The following TEX264 variants were observed in gnomAD, a reference collection of about 807,000 sequenced individuals.
TEX264 encodes testis-expressed protein 264.
In TEX264, 13 loss-of-function variants were observed where a neutral mutation model predicts 23.4. The ratio of observed to expected loss-of-function variants is 0.56; its 90% CI spans 0.36 to 0.88. The LOEUF (loss-of-function observed/expected upper bound fraction) is 0.88. TEX264 is among the 40% of genes least tolerant of loss of function. TEX264 has a pLI of 0.01. For missense variants in TEX264, 340 were observed against 406.8 expected, an observed-to-expected ratio of 0.84 and a Z score of 1.41; for synonymous variants, 159 against 170.0, an observed-to-expected ratio of 0.94 and a Z score of 0.50.
Position 51,703,600 on chromosome 3 carries a change from G to A in TEX264, c.650-124G>A. ...CAGGGTAGAGGGCAGAGGGCAGCTG[G>A]AGCAAGCCCCCTGAGCCCGGGAGGC... On this transcript the variant is annotated intron_variant, in intron 4 of 4. Transcript: ENST00000341333. This position sits in a 1 kb window ranked among gnomAD's most constrained non-coding sequence, Gnocchi z 4.8. 3.0e-6 allele frequency: 3 copies of A among 995,800 alleles called. No individual in the cohort carries two copies. Among genetic ancestry groups the A allele is most frequent in the Non-Finnish European group, 2.9e-6 (2 of 679,820 alleles). The allele number at this position is 995,800 out of a possible 1,614,324, so 61.7% of individuals were successfully genotyped here. A position where few individuals can be genotyped will look rare whatever the true frequency, so the allele number is the denominator to read the frequency against.
At chr3:51,684,726 G>T (rs1702554550) in intron 3 of TEX264, 92 bp downstream of exon 3, 2 of 1,331,890 alleles carry the variant, frequency 1.5e-6, no homozygotes, top group South Asian at 1.3e-5. Flanking sequence ...GGAAGAAGTG[G>T]TTTTGGGAGA....
intron 2 of TEX264, among the ~76,000 whole-genome samples, chr3:51,675,551 C>G (rs982188032): frequency 6.6e-6 from 1 of 152,200 alleles, no homozygotes; most frequent in Non-Finnish European, 1.5e-5. Flanking sequence ...TGAATCAGAC[C>G]TGGCTCTGCC....
chr3:51,704,225 G>A lies in TEX264; in HGVS notation c.*209G>A. The A allele has an allele frequency of 2.4e-6, 1 of 421,102 alleles. No individual in the cohort carries two copies. Among genetic ancestry groups the A allele is most frequent in the Non-Finnish European group, 4.1e-6 (1 of 246,636 alleles). The allele number at this position is 421,102 out of a possible 1,614,324, so 26.1% of individuals were successfully genotyped here. On this transcript the variant is annotated 3_prime_UTR_variant, in exon 5 of 5. Coordinates refer to ENST00000341333, the MANE Select transcript of TEX264 (RefSeq NM_015926.6). The stretch of plus-strand genomic sequence containing the variant: ...GAGCCAGGGACTATTTTCTGCACCA[G>A]CCCCCAGGGCTGCCACCCCTGTTGT...
chr3:51,693,542 C>T (rs139275386), intron 3 of TEX264, among the ~76,000 whole-genome samples: 2 of 148,944 alleles, frequency 1.3e-5, no homozygotes, highest in African/African-American at 5.0e-5. Flanking sequence ...TGCGGTGGCA[C>T]GATCGCGGCT....
intron 3 of TEX264, among the ~76,000 whole-genome samples, chr3:51,687,772 G>A (rs1350112418): frequency 1.3e-5 from 2 of 152,180 alleles, no homozygotes; most frequent in African/African-American, 4.8e-5. Context: ...GAGGTGGAGA[G>A]CAGCTGCTGT....
chr3:51,692,607 G>A (rs1260534751), intron 3 of TEX264, among the ~76,000 whole-genome samples: 1 of 152,224 alleles, frequency 6.6e-6, no homozygotes, highest in Non-Finnish European at 1.5e-5. Flanking sequence ...AGCTCCATCT[G>A]TACGAGCAGC....
intron 2 of TEX264, among the ~76,000 whole-genome samples, chr3:51,676,223 C>T (rs1465951032): frequency 6.6e-6 from 1 of 152,224 alleles, no homozygotes; most frequent in Non-Finnish European, 1.5e-5. Flanking sequence ...GAGCCTTCTG[C>T]AAGAAGAGTC....
chr3:51,693,130 G>A (rs972052987), intron 3 of TEX264, among the ~76,000 whole-genome samples: 1 of 152,238 alleles, frequency 6.6e-6, no homozygotes, highest in African/African-American at 2.4e-5. Flanking sequence ...TGCTGCCTAG[G>A]CCCTCCTCCA....
intron 3 of TEX264, among the ~76,000 whole-genome samples, chr3:51,697,546 C>T (rs777893858): frequency 8.5e-5 from 13 of 152,186 alleles, no homozygotes; most frequent in Non-Finnish European, 1.8e-4. Context: ...AAGGCCATGC[C>T]CTGACTAGAT....
intron 1 of TEX264, chr3:51,671,811 G>C (rs531156930): frequency 6.6e-6 from 1 of 152,258 alleles, no homozygotes; most frequent in Non-Finnish European, 1.5e-5. Flanking sequence ...AGCCCAGGAC[G>C]GGGGCCGTTT....
intron 2 of TEX264, among the ~76,000 whole-genome samples, chr3:51,679,782 G>A (rs1323241381): frequency 6.6e-6 from 1 of 152,176 alleles, no homozygotes; most frequent in African/African-American, 2.4e-5. Flanking sequence ...AGGTTTCTAA[G>A]TAAACTCACC....
chr3:51,674,598 G>A (rs760670318), intron 2 of TEX264, 36 bp downstream of exon 2: 7 of 1,601,790 alleles, frequency 4.4e-6, no homozygotes, highest in South Asian at 1.1e-5. Flanking sequence ...CCCATGGATG[G>A]GCCTGGTGGG....
In TEX264 at chr3:51,699,393, ACT is replaced by A. The variant is rs1442151613; in HGVS notation, c.481-8_481-7del. ...TGTAGGGCTCATTCTACCTTTTGCC[ACT>A]CTCTGACTAGGAGCGGAAGCTGTGT... is the stretch of plus-strand genomic sequence containing the variant. On this transcript the variant is annotated splice_polypyrimidine_tract_variant and intron_variant, in intron 3 of 4. Coordinates refer to ENST00000341333, the MANE Select transcript of TEX264 (RefSeq NM_015926.6). 1.9e-6 allele frequency: 3 copies of A among 1,611,856 alleles called. No homozygotes were observed. Among genetic ancestry groups the A allele is most frequent in the Middle Eastern group, 1.7e-4 (1 of 6,048 alleles).
intron 3 of TEX264, among the ~76,000 whole-genome samples, chr3:51,690,557 CAAAAA>C (rs1301569354): frequency 1.8e-5 from 1 of 55,880 alleles, no homozygotes; most frequent in African/African-American, 6.3e-5. Flanking sequence ...GACTCCGTCT[CAAAAA>C]AAAAAAAAAA....
At position 51,703,627 on chromosome 3, in the gene TEX264, G is replaced by C; in HGVS notation, c.650-97G>C. 7.7e-7 allele frequency: 1 copy of C among 1,290,742 alleles called. No homozygotes were observed. Among genetic ancestry groups the C allele is most frequent in the Non-Finnish European group, 1.1e-6 (1 of 942,350 alleles). The allele number at this position is 1,290,742 out of a possible 1,614,324, so 80.0% of individuals were successfully genotyped here. ...GCAAGCCCCCTGAGCCCGGGAGGCT[G>C]CATTATTCATGAGTGCACTGCGTGC... is the stretch of plus-strand genomic sequence containing the variant. On this transcript the variant is annotated intron_variant, in intron 4 of 4. Coordinates refer to ENST00000341333, the MANE Select transcript of TEX264 (RefSeq NM_015926.6). This position sits in a 1 kb window ranked among gnomAD's most constrained non-coding sequence, Gnocchi z 4.8.
chr3:51,697,126 A>G (rs934479886), intron 3 of TEX264, among the ~76,000 whole-genome samples: 2 of 152,222 alleles, frequency 1.3e-5, no homozygotes, highest in African/African-American at 2.4e-5. Flanking sequence ...TGCAGTTTCC[A>G]TGGCAACGGG....
chr3:51,695,880 C>T (rs1366597316), intron 3 of TEX264, among the ~76,000 whole-genome samples: 1 of 152,048 alleles, frequency 6.6e-6, no homozygotes, highest in African/African-American at 2.4e-5. Flanking sequence ...TCTGGGGTCT[C>T]TTAGAAATTC....
At chr3:51,697,097 C>A (rs187416974) in intron 3 of TEX264, among the ~76,000 whole-genome samples, 1 of 152,340 alleles carries the variant, frequency 6.6e-6, no homozygotes, top group Non-Finnish European at 1.5e-5. Context: ...GAGATGAAGG[C>A]GACGGCAAGG....
At position 51,686,982 on chromosome 3, in the gene TEX264, G is replaced by A. The variant is rs1702644134; in HGVS notation, c.480+2348G>A. On this transcript the variant is annotated intron_variant, in intron 3 of 4. Transcript: ENST00000341333. This position sits in a 1 kb window ranked among gnomAD's most constrained non-coding sequence, Gnocchi z 4.1. ...CCTTTGTCCAAATTTCCCGGCCCCT[G>A]ACAGCTTCACAAGTTGCCTGGTTTT... Among the ~76,000 whole-genome samples the A allele has an allele frequency of 6.6e-6, 1 of 152,220 alleles. No individual in the cohort carries two copies. The highest frequency in any genetic ancestry group is 1.5e-5 in the Non-Finnish European group (1 of 68,044).
Sources: gnomAD v4.1 joint callset for allele counts (sites outside exome capture counted in the v4.1 genomes callset) on GRCh38, gnomAD v4.1.1 for gene constraint, Gnocchi (gnomAD v3.1) non-coding constraint, MANE v1.5 for transcripts, NCBI Gene and HGNC (gene_info 2026-07-23, HGNC 2026-07-21) for gene names.